The following CLNK variants were observed in gnomAD, a reference collection of about 807,000 sequenced individuals.
The protein encoded by CLNK is cytokine-dependent hematopoietic cell linker.
In CLNK, 74 loss-of-function variants were observed where a neutral mutation model predicts 68.6. The ratio of observed to expected loss-of-function variants is 1.08; its 90% CI spans 0.89 to 1.31. CLNK has a LOEUF of 1.31. Among genes scored for constraint, CLNK ranks in the 50% most tolerant of loss-of-function variants. The pLI is 0.00. For synonymous variants in CLNK, 198 were observed against 172.2 expected (o/e 1.15, Z -1.17); for missense variants, 553 against 515.3 (o/e 1.07, Z -0.71).
chr4:10,689,786 G>A, the CLNK span, among the ~76,000 whole-genome samples: 5 of 120,066 alleles, frequency 4.2e-5, no homozygotes, highest in Non-Finnish European at 8.5e-5. Context: ...GTGGAAACCT[G>A]TGTTAATTAG....
At chr4:10,661,542 T>A (rs1724191496) in intron 2 of CLNK, among the ~76,000 whole-genome samples, 1 of 152,178 alleles carries the variant, frequency 6.6e-6, no homozygotes, top group Non-Finnish European at 1.5e-5. Flanking sequence ...TGGAATGCTG[T>A]TTTAGTGCTG....
the CLNK span, among the ~76,000 whole-genome samples, chr4:10,711,808 A>T: frequency 3.2e-3 from 484 of 152,352 alleles, no homozygotes; most frequent in African/African-American, 0.01. Context: ...CAATGCCAAC[A>T]TTCTACTGAA....
At chr4:10,683,400 A>G (rs1432070213) in intron 1 of CLNK, among the ~76,000 whole-genome samples, 1 of 152,180 alleles carries the variant, frequency 6.6e-6, no homozygotes, top group Admixed American at 6.5e-5. Context: ...AAATACTACC[A>G]TTTAGATGGT....
In CLNK at chr4:10,490,390, A is replaced by G; in HGVS notation, c.*77T>C. On this transcript the variant is annotated 3_prime_UTR_variant, in exon 19 of 19. Transcript: ENST00000226951. ...TAAAAAAGTTGTCCCTTGAAGGCACAGAAAATAAACTTTTGAAATCAATGA... is the reference window on the plus strand; with the variant it reads ...TAAAAAAGTTGTCCCTTGAAGGCACGGAAAATAAACTTTTGAAATCAATGA... 1.0e-5 allele frequency: 15 copies of G among 1,495,942 alleles called. No homozygotes were observed. The highest frequency in any genetic ancestry group is 1.3e-5 in the Non-Finnish European group (15 of 1,111,986). 92.7% of individuals were successfully genotyped at this position (1,495,942 alleles called of 1,614,324 possible).
chr4:10,496,056 A>G (rs1305908479), intron 18 of CLNK, among the ~76,000 whole-genome samples: 1 of 152,174 alleles, frequency 6.6e-6, no homozygotes, highest in Non-Finnish European at 1.5e-5. Flanking sequence ...TTAAACTGCA[A>G]AGTTTCTGGG....
At chr4:10,647,679 G>C (rs1432512767) in intron 2 of CLNK, among the ~76,000 whole-genome samples, 2 of 152,116 alleles carry the variant, frequency 1.3e-5, no homozygotes, top group Admixed American at 1.3e-4. Context: ...TATGTCCTGG[G>C]TGAGGCCTTT....
intron 2 of CLNK, among the ~76,000 whole-genome samples, chr4:10,631,627 A>G (rs1240974377): frequency 6.6e-6 from 1 of 152,150 alleles, no homozygotes; most frequent in Non-Finnish European, 1.5e-5. Flanking sequence ...GAACAATTTC[A>G]GTAATCTTTG....
At chr4:10,527,023 C>T (rs79725037) in intron 13 of CLNK, among the ~76,000 whole-genome samples, 39 of 152,252 alleles carry the variant, frequency 2.6e-4, no homozygotes, top group Admixed American at 2.2e-3. Context: ...TACCTTTGAT[C>T]GAAGGACCGT....
intron 14 of CLNK, among the ~76,000 whole-genome samples, chr4:10,521,736 A>C (rs1386919763): frequency 6.6e-6 from 1 of 152,218 alleles, no homozygotes; most frequent in Non-Finnish European, 1.5e-5. Flanking sequence ...TCAGACTGCT[A>C]CTGAAATTCA....
chr4:10,721,701 C>T, the CLNK span, among the ~76,000 whole-genome samples: 1 of 152,110 alleles, frequency 6.6e-6, no homozygotes, highest in Admixed American at 6.5e-5. Flanking sequence ...CAGTAATTAT[C>T]GAGTTGTATG....
intron 2 of CLNK, among the ~76,000 whole-genome samples, chr4:10,624,175 A>G (rs1722567221): frequency 6.6e-6 from 1 of 152,272 alleles, no homozygotes; most frequent in East Asian, 1.9e-4. Context: ...ATGCTGGAAT[A>G]GGTAAGCACT....
At chr4:10,681,190 A>T (rs1418603748) in intron 1 of CLNK, among the ~76,000 whole-genome samples, 2 of 152,200 alleles carry the variant, frequency 1.3e-5, no homozygotes, top group Non-Finnish European at 2.9e-5. Context: ...TATGCCAATC[A>T]TCTGAACTTA....
intron 3 of CLNK, among the ~76,000 whole-genome samples, chr4:10,586,710 G>A (rs1262393229): frequency 1.3e-5 from 2 of 152,120 alleles, no homozygotes; most frequent in Non-Finnish European, 1.5e-5. Flanking sequence ...GTAGCTTTCT[G>A]GATGAGCTGC....
intron 4 of CLNK, among the ~76,000 whole-genome samples, chr4:10,583,310 C>T (rs1031149646): frequency 7.2e-5 from 11 of 151,822 alleles, no homozygotes; most frequent in Non-Finnish European, 1.3e-4. Context: ...CGGAGTCTTG[C>T]TCTGTCGTCC....
intron 2 of CLNK, among the ~76,000 whole-genome samples, chr4:10,665,323 G>A (rs1396568654): frequency 1.3e-5 from 2 of 152,156 alleles, no homozygotes; most frequent in South Asian, 4.1e-4. Context: ...CATAAAAGGG[G>A]AAAACCTCTC....
chr4:10,668,276 C>G (rs1278360202), intron 1 of CLNK, among the ~76,000 whole-genome samples: 1 of 152,178 alleles, frequency 6.6e-6, no homozygotes, highest in Non-Finnish European at 1.5e-5. Context: ...AGAAAGGGTG[C>G]TTTTCATTTC....
the CLNK span, among the ~76,000 whole-genome samples, chr4:10,692,760 T>A: frequency 6.6e-6 from 1 of 152,196 alleles, no homozygotes; most frequent in Non-Finnish European, 1.5e-5. Context: ...TGATAAAACC[T>A]CCGTGAGGCT....
At chr4:10,658,676 G>T (rs1453320394) in intron 2 of CLNK, among the ~76,000 whole-genome samples, 1 of 152,172 alleles carries the variant, frequency 6.6e-6, no homozygotes, top group African/African-American at 2.4e-5. Flanking sequence ...TATGACTTTG[G>T]AGGAAGGTGG....
At chr4:10,634,398 T>C (rs759682160) in intron 2 of CLNK, among the ~76,000 whole-genome samples, 1 of 152,196 alleles carries the variant, frequency 6.6e-6, no homozygotes, top group Non-Finnish European at 1.5e-5. Context: ...CTGTGTGCGC[T>C]CGGCTCTTCA....
Sources: allele counts gnomAD v4.1 joint callset (sites outside exome capture counted in the v4.1 genomes callset), GRCh38; gene constraint gnomAD v4.1.1; transcripts MANE v1.5; gene names NCBI Gene and HGNC (gene_info 2026-07-23, HGNC 2026-07-21).